Variants in DNAH12 observed in about 807,000 individuals in gnomAD.
DNAH12 encodes dynein axonemal heavy chain 12, also known as axonemal beta dynein heavy chain 12.
DNAH12 carries 285 observed loss-of-function variants against 371.5 expected under a neutral mutation model. The observed-to-expected ratio is 0.77, with a 90% CI of 0.70 to 0.85. The LOEUF (loss-of-function observed/expected upper bound fraction) is 0.85. Among genes scored for constraint, DNAH12 ranks in the 40% least tolerant of loss-of-function variants. The pLI, the probability that DNAH12 is intolerant of heterozygous loss-of-function variation, is 0.00. For synonymous variants in DNAH12, 1,200 were observed against 1,213.0 expected, an observed-to-expected ratio of 0.99 and a Z score of 0.22; for missense variants, 3,611 against 3,689.4, an observed-to-expected ratio of 0.98 and a Z score of 0.55.
intron 70 of DNAH12, among the ~76,000 whole-genome samples, chr3:57,297,672 T>G (rs1459334855): frequency 6.6e-6 from 1 of 152,034 alleles, no homozygotes; most frequent in Non-Finnish European, 1.5e-5. Context: ...TCCTTAACCC[T>G]CTTAAACCCC....
intron 32 of DNAH12, 140 bp from the exon 33 acceptor site, chr3:57,429,914 C>G (rs2064904699): frequency 1.5e-6 from 1 of 683,648 alleles, no homozygotes; most frequent in Non-Finnish European, 2.3e-6. Flanking sequence ...AATCTTAATT[C>G]TAGGTCTAGC....
intron 34 of DNAH12, among the ~76,000 whole-genome samples, chr3:57,426,846 A>AT (rs1559646051): frequency 6.7e-6 from 1 of 149,714 alleles, no homozygotes; most frequent in Non-Finnish European, 1.5e-5. Flanking sequence ...AAAAAAAAAA[A>AT]AATCTGGGGA....
At chr3:57,330,936 T>G (rs2062081299) in intron 62 of DNAH12, among the ~76,000 whole-genome samples, 1 of 152,140 alleles carries the variant, frequency 6.6e-6, no homozygotes, top group Non-Finnish European at 1.5e-5. Context: ...GTTGTTTTAT[T>G]TCTCTGGAGA....
At chr3:57,298,806 T>C (rs1024941947) in intron 70 of DNAH12, among the ~76,000 whole-genome samples, 2 of 152,212 alleles carry the variant, frequency 1.3e-5, no homozygotes, top group African/African-American at 4.8e-5. Context: ...CATCCCTTAC[T>C]ATAGTGTACT....
At chr3:57,376,658 C>T (rs2063288409) in intron 53 of DNAH12, among the ~76,000 whole-genome samples, 1 of 152,146 alleles carries the variant, frequency 6.6e-6, no homozygotes, top group Admixed American at 6.6e-5. Context: ...TCACTGATCC[C>T]TCCAAACATT....
At chr3:57,492,005 A>C (rs2153386193) in intron 11 of DNAH12, among the ~76,000 whole-genome samples, 1 of 151,840 alleles carries the variant, frequency 6.6e-6, no homozygotes, top group East Asian at 1.9e-4. Context: ...CTGTCAAAAA[A>C]AAAAAAATTA....
Position 57,296,901 on chromosome 3 carries a change from C to T in DNAH12, c.11478G>A (p.Gln3826=). The T allele has an allele frequency of 1.3e-6, 2 of 1,551,626 alleles. No individual in the cohort carries two copies. Among genetic ancestry groups the T allele is most frequent in the Non-Finnish European group, 1.7e-6 (2 of 1,146,984 alleles). Residue 3826 remains glutamine, a synonymous_variant, in exon 71 of 74, where the codon CAG becomes CAA. Coordinates refer to ENST00000495027, the MANE Select transcript of DNAH12 (RefSeq NM_001366028.2). ...FTQAFLTGAM[Q]NYARKYTTPI... is the part of the protein sequence containing the mutation. ...GGGTGGTATATTTTCTGGCATAATT[C>T]TGCATAGCTCCAGTTAAAAAGGCCT...
the DNAH12 span, among the ~76,000 whole-genome samples, chr3:57,554,132 C>T: frequency 6.8e-6 from 1 of 146,060 alleles, no homozygotes. Flanking sequence ...ACTAAAAATA[C>T]AAAAATTAGC....
chr3:57,386,243 AC>A (rs1268528411), intron 47 of DNAH12, among the ~76,000 whole-genome samples, 197 bp downstream of exon 47: 1 of 152,168 alleles, frequency 6.6e-6, no homozygotes, highest in African/African-American at 2.4e-5. Flanking sequence ...TGTAAAACTT[AC>A]TGTACTCATT....
At chr3:57,495,947 T>A (rs993586348) in intron 11 of DNAH12, among the ~76,000 whole-genome samples, 11 of 141,746 alleles carry the variant, frequency 7.8e-5, no homozygotes, top group Non-Finnish European at 1.7e-4. Flanking sequence ...TACTATTTTA[T>A]CTATTTATAT....
rs776094163 is a variant in DNAH12 at position 57,323,280 on chromosome 3, AT to A, written c.10130-21del. Reference sequence around the variant, plus strand: ...GCAGGCCTATAAGAGGCACAAAAAAATGGTCACACTACTTACTCTAAAATTA... The same window carrying A: ...GCAGGCCTATAAGAGGCACAAAAAAAGGTCACACTACTTACTCTAAAATTA... On this transcript the variant is annotated intron_variant, in intron 63 of 73. Coordinates refer to ENST00000495027, the MANE Select transcript of DNAH12 (RefSeq NM_001366028.2). The A allele has an allele frequency of 6.5e-7, 1 of 1,547,248 alleles. No homozygotes were observed. The highest frequency in any genetic ancestry group is 8.7e-7 in the Non-Finnish European group (1 of 1,145,534).
At chr3:57,341,672 A>T (rs2062402344) in intron 60 of DNAH12, among the ~76,000 whole-genome samples, 1 of 152,150 alleles carries the variant, frequency 6.6e-6, no homozygotes, top group African/African-American at 2.4e-5. Flanking sequence ...AATATTGTTA[A>T]AATGACTCTA....
chr3:57,385,789 G>A (rs956370904), intron 47 of DNAH12, among the ~76,000 whole-genome samples: 137 of 152,262 alleles, frequency 9.0e-4, no homozygotes, highest in Admixed American at 2.2e-3. Context: ...GGGTGAGACA[G>A]GAGAATTGCT....
chr3:57,493,493 C>A (rs1023076202), intron 11 of DNAH12, among the ~76,000 whole-genome samples: 2 of 152,098 alleles, frequency 1.3e-5, no homozygotes, highest in Admixed American at 1.3e-4. Flanking sequence ...AGAACAAATA[C>A]CTGCAGCTAC....
At chr3:57,466,681 T>C (rs187674428) in intron 17 of DNAH12, among the ~76,000 whole-genome samples, 1 of 152,272 alleles carries the variant, frequency 6.6e-6, no homozygotes, top group Non-Finnish European at 1.5e-5. Flanking sequence ...TCCAAATCCT[T>C]CCCAGTAAAC....
intron 4 of DNAH12, chr3:57,520,077 G>GAGCCGC (rs2068360169): frequency 1.7e-6 from 1 of 581,302 alleles, no homozygotes; most frequent in Non-Finnish European, 3.1e-6. Flanking sequence ...CGGCTCTGTG[G>GAGCCGC]CTACAGCGTT....
chr3:57,308,533 C>G (rs569758249), intron 69 of DNAH12, among the ~76,000 whole-genome samples: 2 of 152,264 alleles, frequency 1.3e-5, no homozygotes, highest in South Asian at 4.2e-4. Context: ...GACACCAGAT[C>G]AACTTGGACT....
At chr3:57,384,106 G>T (rs2063453007) in intron 49 of DNAH12, among the ~76,000 whole-genome samples, 1 of 152,072 alleles carries the variant, frequency 6.6e-6, no homozygotes. Context: ...AGTTGTTCTG[G>T]TCTTGCCTAA....
At position 57,428,834 on chromosome 3, in the gene DNAH12, G is replaced by C; in HGVS notation, c.5065-13C>G. ...TTACAGTGGCAGGCTAGAGAAAAAAGGCAACTTTTTGCACTGTTGTTTTTA... is the reference window on the plus strand; with the variant it reads ...TTACAGTGGCAGGCTAGAGAAAAAACGCAACTTTTTGCACTGTTGTTTTTA... On this transcript the variant is annotated splice_polypyrimidine_tract_variant and intron_variant, in intron 33 of 73. Transcript: ENST00000495027. 6.6e-7 allele frequency: 1 copy of C among 1,510,586 alleles called. No homozygotes were observed. The highest frequency in any genetic ancestry group is 8.8e-7 in the Non-Finnish European group (1 of 1,132,322). The allele number at this position is 1,510,586 out of a possible 1,614,324, so 93.6% of individuals were successfully genotyped here.
Sources: allele counts gnomAD v4.1 joint callset (sites outside exome capture counted in the v4.1 genomes callset), GRCh38; gene constraint gnomAD v4.1.1; transcripts MANE v1.5; gene names NCBI Gene and HGNC (gene_info 2026-07-23, HGNC 2026-07-21).